The following ARHGAP15 variants were observed in gnomAD, a reference collection of about 807,000 sequenced individuals.
The protein encoded by ARHGAP15 is Rho GTPase activating protein 15.
In ARHGAP15, 51 loss-of-function variants were observed where a neutral mutation model predicts 63.7. The observed-to-expected ratio is 0.80, with a 90% CI of 0.64 to 1.01. ARHGAP15 has a LOEUF of 1.01. Ranked by LOEUF, ARHGAP15 falls within the 50% of genes least tolerant of loss-of-function variation. ARHGAP15 has a pLI of 0.00. For missense variants in ARHGAP15, 560 were observed against 564.6 expected (o/e 0.99, Z 0.08); for synonymous variants, 191 against 193.8 (o/e 0.99, Z 0.12).
intron 6 of ARHGAP15, among the ~76,000 whole-genome samples, chr2:143,430,326 A>C (rs1689331008): frequency 6.6e-6 from 1 of 151,990 alleles, no homozygotes; most frequent in Non-Finnish European, 1.5e-5. Context: ...CTGATATTTT[A>C]CCCTTAGTTT....
At chr2:143,449,703 G>A (rs555905681) in intron 8 of ARHGAP15, among the ~76,000 whole-genome samples, 1 of 152,160 alleles carries the variant, frequency 6.6e-6, no homozygotes, top group African/African-American at 2.4e-5. Flanking sequence ...TCAAAAAATA[G>A]AGGAAAGATT....
chr2:143,227,741 C>A (rs1353793469), intron 4 of ARHGAP15, among the ~76,000 whole-genome samples: 2 of 152,028 alleles, frequency 1.3e-5, no homozygotes, highest in African/African-American at 4.8e-5. Context: ...TTTATTTAAC[C>A]TATCTTTTTT....
rs569452022 is a variant in ARHGAP15, at chr2:143,228,847, T to C, written c.384+179T>C. Among the ~76,000 whole-genome samples the C allele has an allele frequency of 6.6e-5, 10 of 152,268 alleles. No homozygotes were observed. The South Asian group carries it at 1.7e-3, about 25-fold the overall frequency. ...AGGGAAAATAGAACTTAGTGTCTGTTTTATTAAGTGGTGCATTTGGAGAAT... is the reference window on the plus strand; with the variant it reads ...AGGGAAAATAGAACTTAGTGTCTGTCTTATTAAGTGGTGCATTTGGAGAAT... On this transcript the variant is annotated intron_variant, in intron 5 of 13. Coordinates refer to ENST00000295095, the MANE Select transcript of ARHGAP15 (RefSeq NM_018460.4).
At chr2:143,134,178 C>G (rs1040279105) in intron 1 of ARHGAP15, among the ~76,000 whole-genome samples, 2 of 83,226 alleles carry the variant, frequency 2.4e-5, no homozygotes, top group African/African-American at 3.7e-5. Flanking sequence ...ATCTATCTAT[C>G]TATCATCTAT....
chr2:143,271,069 T>G (rs573610827), intron 6 of ARHGAP15, among the ~76,000 whole-genome samples: 9 of 146,060 alleles, frequency 6.2e-5, no homozygotes, highest in Admixed American at 4.1e-4. Flanking sequence ...CCATCTGTCT[T>G]TCTTCTGTAT....
At chr2:143,148,493 T>C (rs563481164) in intron 1 of ARHGAP15, among the ~76,000 whole-genome samples, 1 of 152,184 alleles carries the variant, frequency 6.6e-6, no homozygotes, top group East Asian at 1.9e-4. Flanking sequence ...CACACACTTA[T>C]TCTACTTTTA....
intron 6 of ARHGAP15, among the ~76,000 whole-genome samples, chr2:143,320,773 T>C (rs1683981970): frequency 6.6e-6 from 1 of 152,092 alleles, no homozygotes; most frequent in South Asian, 2.1e-4. Flanking sequence ...GGGAGGTTAA[T>C]GGATTGGGTT....
rs555953069 is a variant in ARHGAP15, at chr2:143,319,734, T to C, written c.474+69134T>C. On this transcript the variant is annotated intron_variant, in intron 6 of 13. Coordinates refer to ENST00000295095, the MANE Select transcript of ARHGAP15 (RefSeq NM_018460.4). ...CAAAGTATTATCTTCCTAATTGGATTAGAAAACTCATCTTTATAGGGCCTT... is the reference window on the plus strand; with the variant it reads ...CAAAGTATTATCTTCCTAATTGGATCAGAAAACTCATCTTTATAGGGCCTT... 2.6e-5 allele frequency among the ~76,000 whole-genome samples: 4 copies of C among 152,334 alleles called. No homozygotes were observed. In the East Asian group the frequency reaches 7.7e-4, roughly 29 times the overall value.
At chr2:143,607,879 G>A (rs1338323185) in intron 11 of ARHGAP15, 3 of 152,210 alleles carry the variant, frequency 2.0e-5, no homozygotes, top group African/African-American at 7.2e-5. Context: ...ATCTGCACCA[G>A]AACTCCTAAG....
chr2:143,336,214 G>A (rs1327135847), intron 6 of ARHGAP15, among the ~76,000 whole-genome samples: 1 of 152,028 alleles, frequency 6.6e-6, no homozygotes, highest in Non-Finnish European at 1.5e-5. Context: ...TCGCCATGTT[G>A]CCCAGCCTCC....
intron 10 of ARHGAP15, among the ~76,000 whole-genome samples, chr2:143,539,921 T>C (rs2105041853): frequency 6.6e-6 from 1 of 152,126 alleles, no homozygotes; most frequent in Non-Finnish European, 1.5e-5. Flanking sequence ...CTGAGTTCAA[T>C]TCCTGGATAT....
At chr2:143,319,587 G>A (rs1411646940) in intron 6 of ARHGAP15, among the ~76,000 whole-genome samples, 2 of 152,036 alleles carry the variant, frequency 1.3e-5, no homozygotes, top group African/African-American at 2.4e-5. Flanking sequence ...CCCATATTCT[G>A]TGCTCCCCAA....
intron 2 of ARHGAP15, among the ~76,000 whole-genome samples, chr2:143,187,606 G>A (rs963211776): frequency 2.6e-5 from 4 of 152,166 alleles, no homozygotes; most frequent in Admixed American, 6.5e-5. Flanking sequence ...ACACAGAGAC[G>A]TTAAACGAAT....
At chr2:143,596,297 G>T (rs559802407) in intron 11 of ARHGAP15, among the ~76,000 whole-genome samples, 1 of 152,098 alleles carries the variant, frequency 6.6e-6, no homozygotes, top group East Asian at 1.9e-4. Context: ...GAAGCAAAAC[G>T]TGCTGCTGGA....
chr2:143,504,604 C>T (rs922729355), intron 9 of ARHGAP15, among the ~76,000 whole-genome samples: 5 of 152,242 alleles, frequency 3.3e-5, no homozygotes, highest in Non-Finnish European at 7.3e-5. Context: ...ATGGCTCCCT[C>T]CTGTGTAATC....
intron 6 of ARHGAP15, among the ~76,000 whole-genome samples, chr2:143,323,033 T>C (rs1036888148): frequency 3.3e-5 from 5 of 152,250 alleles, no homozygotes; most frequent in Non-Finnish European, 7.3e-5. Context: ...TGTCCCTCCC[T>C]TGACCAAAGC....
chr2:143,468,641 AGAGAGAG>A (rs1574489978), intron 8 of ARHGAP15, among the ~76,000 whole-genome samples: 21 of 112,302 alleles, frequency 1.9e-4, no homozygotes, highest in South Asian at 5.9e-4. Flanking sequence ...TGTGAGAGAG[AGAGAGAG>A]AGAGAGAGAG....
chr2:143,462,780 T>TGGAA (rs1691011937), intron 8 of ARHGAP15, among the ~76,000 whole-genome samples: 1 of 145,898 alleles, frequency 6.9e-6, no homozygotes. Context: ...GTAAGATGGA[T>TGGAA]GGATGGATGG....
chr2:143,761,338 T>C (rs1020902806), intron 13 of ARHGAP15, among the ~76,000 whole-genome samples: 3 of 152,216 alleles, frequency 2.0e-5, no homozygotes, highest in African/African-American at 7.2e-5. Flanking sequence ...CACCACACTC[T>C]CCTTACTCCG....
Sources: gnomAD v4.1 joint callset for allele counts (sites outside exome capture counted in the v4.1 genomes callset) on GRCh38, gnomAD v4.1.1 for gene constraint, MANE v1.5 for transcripts, NCBI Gene and HGNC (gene_info 2026-07-23, HGNC 2026-07-21) for gene names.